Variants in SLIT2 observed in about 807,000 individuals in gnomAD.
The protein encoded by SLIT2 is slit guidance ligand 2.
In SLIT2, 41 loss-of-function variants were observed where a neutral mutation model predicts 185.7. That is an observed-to-expected ratio of 0.22 (90% confidence interval 0.17 to 0.29). The LOEUF (loss-of-function observed/expected upper bound fraction) is 0.29. Ranked by LOEUF, SLIT2 falls within the 10% of genes least tolerant of loss-of-function variation. The probability of loss-of-function intolerance (pLI) is 1.00; values close to 1 mark genes in which losing one functional copy is unlikely to be tolerated. For synonymous variants in SLIT2, 693 were observed against 680.2 expected, an observed-to-expected ratio of 1.02 and a Z score of -0.29; for missense variants, 1,571 against 1,909.0, an observed-to-expected ratio of 0.82 and a Z score of 3.30.
At chr4:20,589,836 A>G (rs1727358354) in intron 30 of SLIT2, 99 bp downstream of exon 30, 1 of 739,034 alleles carries the variant, frequency 1.4e-6, no homozygotes, top group African/African-American at 1.8e-5. Flanking sequence ...ACCTCTGCTC[A>G]GGATTAAAGG....
chr4:20,516,408 T>C (rs1048810534), intron 11 of SLIT2, among the ~76,000 whole-genome samples: 1 of 152,214 alleles, frequency 6.6e-6, no homozygotes, highest in African/African-American at 2.4e-5. Flanking sequence ...TATAAGAAAC[T>C]GTAGAAAAGA....
intron 5 of SLIT2, among the ~76,000 whole-genome samples, chr4:20,468,648 G>A (rs900449299): frequency 6.6e-6 from 1 of 151,972 alleles, no homozygotes; most frequent in Non-Finnish European, 1.5e-5. Context: ...TTCTAAAAAT[G>A]ATGGTTTTTG....
At chr4:20,268,956 G>T (rs1713317709) in intron 4 of SLIT2, 75 bp downstream of exon 4, 1 of 900,722 alleles carries the variant, frequency 1.1e-6, no homozygotes, top group Admixed American at 1.7e-5. Context: ...GGATCTGTTT[G>T]TGTGTGCTTT....
intron 1 of SLIT2, among the ~76,000 whole-genome samples, 165 bp from the exon 2 acceptor site, chr4:20,256,507 T>C (rs530558417): frequency 1.3e-5 from 2 of 152,346 alleles, no homozygotes; most frequent in South Asian, 2.1e-4. Flanking sequence ...TGTTGAGTCA[T>C]GTTAAAAATA....
At chr4:20,505,367 A>G (rs141144529) in intron 9 of SLIT2, among the ~76,000 whole-genome samples, 8 of 152,188 alleles carry the variant, frequency 5.3e-5, no homozygotes, top group Admixed American at 3.3e-4. Flanking sequence ...GAAAAATTCT[A>G]TGTATGTCTA....
At chr4:20,437,186 T>A (rs1448515864) in intron 4 of SLIT2, among the ~76,000 whole-genome samples, 1 of 152,126 alleles carries the variant, frequency 6.6e-6, no homozygotes, top group East Asian at 1.9e-4. Flanking sequence ...CCCCCGCATC[T>A]CCATTTGGAT....
rs774184839 is a variant in SLIT2 at position 20,553,758 on chromosome 4, T to C, written c.2562-47T>C. On this transcript the variant is annotated intron_variant, in intron 25 of 36. Transcript: ENST00000504154. The stretch of plus-strand genomic sequence containing the variant: ...ACTTGTGTGTGTGTGTGTGTGTGTA[T>C]GTGTGTGTGTGTATGTGTGTGTGCT... 8 of 1,273,960 alleles carry C rather than the reference T, an allele frequency of 6.3e-6. No individual in the cohort carries two copies. The South Asian group carries it at 1.3e-4, about 21-fold the overall frequency. 78.9% of individuals were successfully genotyped at this position (1,273,960 alleles called of 1,614,324 possible). A position where few individuals can be genotyped will look rare whatever the true frequency, so the allele number is the denominator to read the frequency against.
chr4:20,255,398 C>A (rs1711708119), intron 1 of SLIT2, among the ~76,000 whole-genome samples: 1 of 152,222 alleles, frequency 6.6e-6, no homozygotes, highest in Admixed American at 6.5e-5. Context: ...CCTCTCCGAG[C>A]TGGCCAAATC....
In SLIT2 at chr4:20,529,077, A is replaced by G. The variant is rs781178871; in HGVS notation, c.1591A>G (p.Ile531Val). 1.2e-6 allele frequency: 2 copies of G among 1,613,952 alleles called. No homozygotes were observed. Among genetic ancestry groups the G allele is most frequent in the East Asian group, 2.2e-5 (1 of 44,874 alleles). The change falls in exon 16 of 37, where the codon ATT (isoleucine) becomes GTT (valine). Residue 531 changes from isoleucine (I) to valine (V), a missense_variant. This residue lies in a region of SLIT2 where 1,202 missense variants were observed against 1,416.4 expected (regional missense o/e 0.85). Coordinates refer to ENST00000504154, the MANE Select transcript of SLIT2 (RefSeq NM_004787.4). Reference protein sequence around the residue: ...NQKLNKIPEHIPQYTAELRLN... With the variant: ...NQKLNKIPEHVPQYTAELRLN... The stretch of plus-strand genomic sequence containing the variant: ...AAAGCTCAACAAAATCCCGGAGCAC[A>G]TTCCCCAGTACACTGCAGAGTTGTA...
At chr4:20,546,948 A>G (rs1723302844) in intron 22 of SLIT2, among the ~76,000 whole-genome samples, 1 of 152,152 alleles carries the variant, frequency 6.6e-6, no homozygotes, top group African/African-American at 2.4e-5. Context: ...TTTAGAGTAA[A>G]TATTACTAGC....
intron 4 of SLIT2, among the ~76,000 whole-genome samples, chr4:20,425,597 A>C (rs979605525): frequency 6.6e-6 from 1 of 152,186 alleles, no homozygotes; most frequent in Non-Finnish European, 1.5e-5. Flanking sequence ...CTTGCTGGAA[A>C]TTACTTTCTA....
At chr4:20,312,467 A>G (rs28673550) in intron 4 of SLIT2, among the ~76,000 whole-genome samples, 41,291 of 152,090 alleles carry the variant, frequency 0.27, 6,054 homozygotes, top group Middle Eastern at 0.38. Flanking sequence ...AAGTAAAATT[A>G]AAATATATAT....
intron 9 of SLIT2, among the ~76,000 whole-genome samples, chr4:20,497,112 T>C (rs2148806459): frequency 6.6e-6 from 1 of 152,092 alleles, no homozygotes; most frequent in Admixed American, 6.5e-5. Context: ...ATTTAATAGG[T>C]ACCCTATTAT....
At chr4:20,600,961 AAAGG>A (rs1332976026) in intron 33 of SLIT2, among the ~76,000 whole-genome samples, 1 of 151,712 alleles carries the variant, frequency 6.6e-6, no homozygotes, top group Non-Finnish European at 1.5e-5. Context: ...ATATAAGAAA[AAAGG>A]AAGAAAGAAA....
At chr4:20,488,742 T>C in intron 7 of SLIT2, 77 bp from the exon 8 acceptor site, 2 of 1,043,332 alleles carry the variant, frequency 1.9e-6, no homozygotes, top group Non-Finnish European at 2.8e-6. Flanking sequence ...TACTTCTATG[T>C]TAAGAAATAC....
At chr4:20,522,972 T>C (rs1308357759) in intron 12 of SLIT2, among the ~76,000 whole-genome samples, 1 of 151,962 alleles carries the variant, frequency 6.6e-6, no homozygotes, top group Non-Finnish European at 1.5e-5. Context: ...TGTATATATT[T>C]TAGAAAATAG....
In SLIT2 at chr4:20,568,844, C is replaced by T. The variant is rs561544096; in HGVS notation, c.2949-21C>T. On this transcript the variant is annotated intron_variant, in intron 28 of 36. Coordinates refer to ENST00000504154, the MANE Select transcript of SLIT2 (RefSeq NM_004787.4). ...AATGCAACAAAAAGATGTTTTTTGC[C>T]TTTTCTCCTCTGGCATTCAGGTGTA... is the stretch of plus-strand genomic sequence containing the variant. 8.1e-6 allele frequency: 13 copies of T among 1,597,712 alleles called. No homozygotes were observed. The African/African-American group carries it at 9.5e-5, about 12-fold the overall frequency.
intron 4 of SLIT2, among the ~76,000 whole-genome samples, chr4:20,354,906 TGAGAGAGA>T (rs35761202): frequency 2.2e-3 from 168 of 77,074 alleles, no homozygotes; most frequent in African/African-American, 2.5e-3. Flanking sequence ...TGTGTGTGTG[TGAGAGAGA>T]GAGAGAGAGA....
intron 4 of SLIT2, among the ~76,000 whole-genome samples, chr4:20,408,227 C>A (rs1020519186): frequency 1.3e-5 from 2 of 152,194 alleles, no homozygotes; most frequent in Non-Finnish European, 2.9e-5. Context: ...CATCAGACAT[C>A]TAGCTCCAAG....
Sources: allele counts gnomAD v4.1 joint callset (sites outside exome capture counted in the v4.1 genomes callset), GRCh38; gene constraint gnomAD v4.1.1; regional missense constraint gnomAD v4.1.1; transcripts MANE v1.5; gene names NCBI Gene and HGNC (gene_info 2026-07-23, HGNC 2026-07-21).